Variants in PREX2 observed in about 807,000 individuals in gnomAD.
PREX2 encodes the protein phosphatidylinositol 3,4,5-trisphosphate-dependent Rac exchanger 2 protein.
In PREX2, 107 loss-of-function variants were observed where a neutral mutation model predicts 203.2. The observed-to-expected ratio is 0.53, with a 90% CI of 0.45 to 0.62. The LOEUF (loss-of-function observed/expected upper bound fraction) is 0.62, where lower values mean the gene tolerates loss of function less well. Among genes scored for constraint, PREX2 ranks in the 20% least tolerant of loss-of-function variants. The pLI, the probability that PREX2 is intolerant of heterozygous loss-of-function variation, is 0.00. For synonymous variants in PREX2, 672 were observed against 663.6 expected, an observed-to-expected ratio of 1.01 and a Z score of -0.19; for missense variants, 1,777 against 1,955.9, an observed-to-expected ratio of 0.91 and a Z score of 1.72.
chr8:68,047,399 A>G (rs1027557919), intron 8 of PREX2, among the ~76,000 whole-genome samples: 1 of 150,218 alleles, frequency 6.7e-6, no homozygotes, highest in African/African-American at 2.4e-5. Context: ...TATCAGGCTC[A>G]TCTGTCATTG....
At chr8:68,062,365 A>C (rs1196386505) in intron 11 of PREX2, among the ~76,000 whole-genome samples, 1 of 152,178 alleles carries the variant, frequency 6.6e-6, no homozygotes, top group African/African-American at 2.4e-5. Flanking sequence ...AATTGCTTAC[A>C]ATCAAACTTA....
chr8:68,053,891 C>G (rs1057049897), intron 9 of PREX2, among the ~76,000 whole-genome samples: 1 of 152,118 alleles, frequency 6.6e-6, no homozygotes, highest in African/African-American at 2.4e-5. Context: ...TTTGGCCTGG[C>G]TGTATTCACT....
chr8:68,083,214 C>G, intron 17 of PREX2, 26 bp from the exon 18 acceptor site: 1 of 1,537,504 alleles, frequency 6.5e-7, no homozygotes, highest in Non-Finnish European at 8.8e-7. Context: ...TATACTTTGA[C>G]TTATTTTTTG....
At chr8:68,047,731 A>G (rs1808412043) in intron 8 of PREX2, among the ~76,000 whole-genome samples, 1 of 151,182 alleles carries the variant, frequency 6.6e-6, no homozygotes, top group Non-Finnish European at 1.5e-5. Flanking sequence ...TTTTTCTTCC[A>G]TTTGAATTAT....
intron 35 of PREX2, among the ~76,000 whole-genome samples, chr8:68,166,020 C>T (rs1218917744): frequency 6.6e-6 from 1 of 152,190 alleles, no homozygotes; most frequent in Non-Finnish European, 1.5e-5. Flanking sequence ...CTTACCCAAA[C>T]CTCTGCTATA....
chr8:68,047,096 C>T lies in PREX2; in HGVS notation c.943+2506C>T, dbSNP rs117917061. On this transcript the variant is annotated intron_variant, in intron 8 of 39. Transcript: ENST00000288368. ...ACATGTTTTGTGACATAGAGAAGGA[C>T]CAAGTGGAGAGCAGTGAAGGAACAA... 1.5e-3 allele frequency among the ~76,000 whole-genome samples: 232 copies of T among 151,964 alleles called. 9 individuals carry two copies. The South Asian group carries it at 0.041, about 27-fold the overall frequency.
At chr8:68,154,746 C>A (rs1354882600) in intron 34 of PREX2, among the ~76,000 whole-genome samples, 2 of 152,152 alleles carry the variant, frequency 1.3e-5, no homozygotes, top group African/African-American at 4.8e-5. Context: ...TGAAAATGAA[C>A]TTGCAATAGG....
Position 68,134,032 on chromosome 8 carries a change from C to A in PREX2, c.3767-27C>A, listed in dbSNP as rs377098442. On this transcript the variant is annotated intron_variant, in intron 31 of 39. Coordinates refer to ENST00000288368, the MANE Select transcript of PREX2 (RefSeq NM_024870.4). Reference sequence around the variant, plus strand: ...TCACCATCTGCAACATTTTTCGAAGCATTCTCTATGTTCTCTTTGATCACA... The same window carrying A: ...TCACCATCTGCAACATTTTTCGAAGAATTCTCTATGTTCTCTTTGATCACA... 1.8e-5 allele frequency: 28 copies of A among 1,581,220 alleles called. 1 individual carries two copies. The South Asian group carries it at 3.0e-4, about 17-fold the overall frequency.
intron 23 of PREX2, chr8:68,100,193 C>T: frequency 2.2e-6 from 1 of 464,142 alleles, no homozygotes; most frequent in Non-Finnish European, 4.3e-6. Flanking sequence ...TTTCTTTTCT[C>T]CCAACTAAGA....
intron 4 of PREX2, 42 bp from the exon 5 acceptor site, chr8:68,027,180 G>A (rs753407190): frequency 7.1e-7 from 1 of 1,408,574 alleles, no homozygotes; most frequent in Non-Finnish European, 1.0e-6. Flanking sequence ...CACAGCGTGA[G>A]ATTATTAAAG....
chr8:67,970,450 CT>C (rs1805895659), intron 1 of PREX2, among the ~76,000 whole-genome samples: 1 of 152,118 alleles, frequency 6.6e-6, no homozygotes, highest in Non-Finnish European at 1.5e-5. Context: ...AACCATACCC[CT>C]AATCTATTTT....
chr8:68,190,070 G>T (rs1310868083), intron 35 of PREX2, among the ~76,000 whole-genome samples: 2 of 152,164 alleles, frequency 1.3e-5, no homozygotes, highest in African/African-American at 4.8e-5. Flanking sequence ...GAACACATAT[G>T]TTCAGTGGGA....
At chr8:68,210,505 G>A (rs909497880) in intron 37 of PREX2, among the ~76,000 whole-genome samples, 1 of 152,144 alleles carries the variant, frequency 6.6e-6, no homozygotes, top group African/African-American at 2.4e-5. Flanking sequence ...TAAATCCACA[G>A]TAGGAAAACA....
intron 35 of PREX2, among the ~76,000 whole-genome samples, chr8:68,159,159 T>C (rs1394193237): frequency 6.6e-6 from 1 of 152,116 alleles, no homozygotes; most frequent in African/African-American, 2.4e-5. Context: ...GGGAAGTAAT[T>C]CAAGATTTAA....
intron 34 of PREX2, among the ~76,000 whole-genome samples, chr8:68,156,293 G>C (rs1811543251): frequency 6.6e-6 from 1 of 152,210 alleles, no homozygotes; most frequent in Non-Finnish European, 1.5e-5. Flanking sequence ...TTGAACTTCT[G>C]ACCTCAAATG....
intron 37 of PREX2, among the ~76,000 whole-genome samples, chr8:68,208,109 G>A (rs573786581): frequency 5.9e-5 from 9 of 152,134 alleles, no homozygotes; most frequent in Non-Finnish European, 7.4e-5. Context: ...AATGGAAAGA[G>A]GCCAGACAGG....
chr8:68,073,146 T>C (rs1809248910), intron 14 of PREX2, among the ~76,000 whole-genome samples: 1 of 151,508 alleles, frequency 6.6e-6, no homozygotes, highest in Admixed American at 6.6e-5. Context: ...ATAAGAGACA[T>C]TCAACCATAA....
intron 35 of PREX2, among the ~76,000 whole-genome samples, chr8:68,160,422 CAT>C (rs1443080010): frequency 5.3e-5 from 8 of 151,980 alleles, no homozygotes; most frequent in Admixed American, 5.2e-4. Context: ...TCACTGATAA[CAT>C]ATATCAAGGC....
chr8:68,135,099 TTG>T (rs9298129), intron 32 of PREX2, among the ~76,000 whole-genome samples: 72,353 of 148,806 alleles, frequency 0.49, 17,944 homozygotes, highest in East Asian at 0.7. Flanking sequence ...AAAACAAATT[TTG>T]TGTGTGTGTG....
Sources: gnomAD v4.1 joint callset for allele counts (sites outside exome capture counted in the v4.1 genomes callset) on GRCh38, gnomAD v4.1.1 for gene constraint, MANE v1.5 for transcripts, NCBI Gene and HGNC (gene_info 2026-07-23, HGNC 2026-07-21) for gene names.